Variants in MAGI2 observed in about 807,000 individuals in gnomAD.
MAGI2 encodes membrane associated guanylate kinase, WW and PDZ domain containing 2.
Under a neutral mutation model 133.3 loss-of-function variants are expected in MAGI2, and 35 were observed. The ratio of observed to expected loss-of-function variants is 0.26; its 90% confidence interval spans 0.20 to 0.35. The LOEUF (loss-of-function observed/expected upper bound fraction) is 0.35. Ranked by LOEUF, MAGI2 falls within the 10% of genes least tolerant of loss-of-function variation. The probability of loss-of-function intolerance (pLI) is 1.00; values close to 1 mark genes in which losing one functional copy is unlikely to be tolerated. For synonymous variants in MAGI2, 729 were observed against 710.6 expected (o/e 1.03, Z -0.41); for missense variants, 1,636 against 1,863.4 (o/e 0.88, Z 2.25).
chr7:78,080,310 AT>A (rs2151189514), intron 20 of MAGI2, among the ~76,000 whole-genome samples: 1 of 152,332 alleles, frequency 6.6e-6, no homozygotes, highest in African/African-American at 2.4e-5. Flanking sequence ...AGAAGTATGG[AT>A]TTGGGGCAGT....
At chr7:78,332,718 A>C (rs1191168370) in intron 9 of MAGI2, among the ~76,000 whole-genome samples, 1 of 145,376 alleles carries the variant, frequency 6.9e-6, no homozygotes, top group Non-Finnish European at 1.5e-5. Context: ...AAAAAAAAAA[A>C]GGAGAGTAGT....
chr7:79,223,688 TCA>T (rs909563685), intron 1 of MAGI2, among the ~76,000 whole-genome samples: 5 of 152,082 alleles, frequency 3.3e-5, no homozygotes, highest in Admixed American at 3.3e-4. Context: ...AAATTTGAGC[TCA>T]CAGAGTTTAA....
intron 2 of MAGI2, among the ~76,000 whole-genome samples, chr7:78,694,903 T>C (rs542480629): frequency 6.6e-6 from 1 of 152,286 alleles, no homozygotes; most frequent in South Asian, 2.1e-4. Flanking sequence ...TTTCTGGTAA[T>C]CAGAATACTA....
intron 1 of MAGI2, among the ~76,000 whole-genome samples, chr7:79,350,835 A>G (rs1841636901): frequency 6.6e-6 from 1 of 152,148 alleles, no homozygotes; most frequent in African/African-American, 2.4e-5. Context: ...ATTGTTAAAT[A>G]TTTTGGTGTT....
intron 6 of MAGI2, among the ~76,000 whole-genome samples, chr7:78,464,581 A>G (rs1584260451): frequency 6.6e-6 from 1 of 152,140 alleles, no homozygotes; most frequent in Non-Finnish European, 1.5e-5. Flanking sequence ...TTTCAAGGGA[A>G]CAGAAAAATT....
intron 3 of MAGI2, among the ~76,000 whole-genome samples, chr7:78,545,747 T>C (rs576159892): frequency 1.3e-5 from 2 of 152,314 alleles, no homozygotes; most frequent in African/African-American, 2.4e-5. Flanking sequence ...GTAGAACATA[T>C]TGATATTTCA....
intron 16 of MAGI2, among the ~76,000 whole-genome samples, chr7:78,143,910 T>G (rs1435765993): frequency 6.6e-6 from 1 of 151,768 alleles, no homozygotes; most frequent in Non-Finnish European, 1.5e-5. Context: ...TTTCTTTCAC[T>G]TATAGTCCTA....
chr7:78,303,151 G>A (rs564973472), intron 9 of MAGI2, among the ~76,000 whole-genome samples: 2 of 152,170 alleles, frequency 1.3e-5, no homozygotes, highest in African/African-American at 2.4e-5. Flanking sequence ...GCCAAGGTGG[G>A]TGGATCATCT....
chr7:78,392,278 A>G (rs972473039), intron 6 of MAGI2, among the ~76,000 whole-genome samples: 3 of 152,186 alleles, frequency 2.0e-5, no homozygotes, highest in Middle Eastern at 6.3e-3. Context: ...CATGACTTTC[A>G]TTGATTCTCA....
intron 1 of MAGI2, among the ~76,000 whole-genome samples, chr7:79,093,957 C>T (rs749673309): frequency 1.7e-4 from 26 of 152,110 alleles, no homozygotes; most frequent in Non-Finnish European, 2.9e-4. Context: ...TCAGGTGACC[C>T]GCCTGCCTCA....
intron 2 of MAGI2, among the ~76,000 whole-genome samples, chr7:78,884,841 G>C (rs1796142609): frequency 6.6e-6 from 1 of 151,638 alleles, no homozygotes; most frequent in South Asian, 2.1e-4. Flanking sequence ...ACAAAAATAA[G>C]TGTTTCTACT....
chr7:78,433,690 T>C (rs539019513), intron 6 of MAGI2, among the ~76,000 whole-genome samples: 2 of 152,256 alleles, frequency 1.3e-5, no homozygotes, highest in East Asian at 3.9e-4. Context: ...GTTCTCTCAG[T>C]TGCAGACACA....
intron 7 of MAGI2, among the ~76,000 whole-genome samples, chr7:78,361,577 G>A (rs1323467625): frequency 6.6e-6 from 1 of 152,046 alleles, no homozygotes; most frequent in African/African-American, 2.4e-5. Flanking sequence ...TATAAAAATT[G>A]TTTGTAAAAA....
chr7:79,230,251 T>C (rs1402350667), intron 1 of MAGI2, among the ~76,000 whole-genome samples: 1 of 150,708 alleles, frequency 6.6e-6, no homozygotes, highest in African/African-American at 2.4e-5. Flanking sequence ...GCAATAAACA[T>C]ACGTGTGCAT....
chr7:78,376,384 C>G (rs1369498461), intron 6 of MAGI2, among the ~76,000 whole-genome samples: 1 of 152,022 alleles, frequency 6.6e-6, no homozygotes, highest in African/African-American at 2.4e-5. Context: ...TATTTATGAA[C>G]TCTGGGTATA....
chr7:79,244,515 A>T (rs886807331), intron 1 of MAGI2, among the ~76,000 whole-genome samples: 3 of 152,122 alleles, frequency 2.0e-5, no homozygotes, highest in African/African-American at 7.2e-5. Flanking sequence ...ACAGTGGTAA[A>T]AACACCGAGC....
intron 6 of MAGI2, among the ~76,000 whole-genome samples, chr7:78,460,332 G>T (rs534521377): frequency 2.6e-5 from 4 of 152,176 alleles, no homozygotes; most frequent in Non-Finnish European, 4.4e-5. Context: ...ATTAGAAAAA[G>T]AATTCTACAT....
At chr7:79,165,303 G>A (rs76925858) in intron 1 of MAGI2, among the ~76,000 whole-genome samples, 189 of 151,516 alleles carry the variant, frequency 1.2e-3, no homozygotes, top group African/African-American at 3.9e-3. Flanking sequence ...TATATGTGCT[G>A]TACTAATAGA....
chr7:78,194,073 C>T (rs867072447), intron 12 of MAGI2, among the ~76,000 whole-genome samples: 2 of 152,188 alleles, frequency 1.3e-5, no homozygotes, highest in African/African-American at 4.8e-5. Flanking sequence ...ATCAGCAGAC[C>T]GTAATGGGAG....
Sources: gnomAD v4.1 joint callset for allele counts (sites outside exome capture counted in the v4.1 genomes callset) on GRCh38, gnomAD v4.1.1 for gene constraint, MANE v1.5 for transcripts, NCBI Gene and HGNC (gene_info 2026-07-23, HGNC 2026-07-21) for gene names.